ZNF540: variants seen among roughly 807,000 people sequenced by gnomAD.
ZNF540 encodes CTD-3064H18.6.
ZNF540 carries 3 observed loss-of-function variants against 11.8 expected under a neutral mutation model. The ratio of observed to expected loss-of-function variants is 0.25; its 90% CI spans 0.12 to 0.65. The LOEUF (loss-of-function observed/expected upper bound fraction) is 0.65, where lower values mean the gene tolerates loss of function less well. Among genes scored for constraint, ZNF540 ranks in the 30% least tolerant of loss-of-function variants. The probability of loss-of-function intolerance (pLI) is 0.83; values close to 1 mark genes in which losing one functional copy is unlikely to be tolerated. For missense variants in ZNF540, 709 were observed against 793.1 expected, an observed-to-expected ratio of 0.89 and a Z score of 1.27; for synonymous variants, 247 against 259.0, an observed-to-expected ratio of 0.95 and a Z score of 0.45.
upstream of ZNF540, among the ~76,000 whole-genome samples, chr19:37,593,115 CTTA>C (rs1328093311): frequency 2.0e-5 from 3 of 151,272 alleles, no homozygotes; most frequent in Admixed American, 6.6e-5. Flanking sequence ...TTGTTTTAAA[CTTA>C]TTGTTAGTTT....
In ZNF540 at chr19:37,569,287, A is replaced by G. The variant is rs1600471790; in HGVS notation, c.-73+17622A>G. Among the ~76,000 whole-genome samples, 1 of 152,148 alleles carries G rather than the reference A, an allele frequency of 6.6e-6. No individual in the cohort carries two copies. Among genetic ancestry groups the G allele is most frequent in the South Asian group, 2.1e-4 (1 of 4,832 alleles). ...CCGGAACCACAACAAAAACCTACTC[A>G]GTAATGTTATGAGACCCTTTGTTCT... On this transcript the variant is annotated intron_variant, in intron 1 of 4. Coordinates refer to the ZNF540 transcript ENST00000592533. This position sits in a 1 kb window ranked among gnomAD's most constrained non-coding sequence, Gnocchi z 4.4.
In ZNF540 at chr19:37,563,062, C is replaced by G. The variant is rs146400088; in HGVS notation, c.-73+11397C>G. ...AAAATAATGGGGCCAGATGTGGTGG[C>G]TCACATTTGTAATCCCAGCACTTCT... On this transcript the variant is annotated intron_variant, in intron 1 of 4. Coordinates refer to the ZNF540 transcript ENST00000592533. 163 of 152,192 alleles carry G rather than the reference C, an allele frequency of 1.1e-3. 3 individuals are homozygous for G. Among genetic ancestry groups the G allele is most frequent in the African/African-American group, 3.8e-3 (157 of 41,524 alleles). The allele number at this position is 152,192 out of a possible 1,614,324, so 9.4% of individuals were successfully genotyped here.
intron 1 of ZNF540, chr19:37,565,026 T>C: frequency 6.2e-7 from 1 of 1,613,698 alleles, no homozygotes; most frequent in Non-Finnish European, 8.5e-7. Flanking sequence ...TCACCATGAA[T>C]TTTCTCATGT....
At chr19:37,587,125 C>T (rs964762102) in intron 1 of ZNF540, 1 of 160,396 alleles carries the variant, frequency 6.2e-6, no homozygotes, top group African/African-American at 2.4e-5. Flanking sequence ...GCTAGACTCA[C>T]AGACATTTTG....
intron 1 of ZNF540, chr19:37,556,089 C>G (rs1474759254): frequency 1.4e-6 from 1 of 702,720 alleles, no homozygotes; most frequent in Admixed American, 2.0e-5. Flanking sequence ...GTGTCCAAAT[C>G]CTGCTGCAAG....
Position 37,612,643 on chromosome 19 carries a change from A to G in ZNF540, c.1363A>G (p.Thr455Ala). 1 of 1,614,124 alleles carries G rather than the reference A, an allele frequency of 6.2e-7. No individual in the cohort carries two copies. The highest frequency in any genetic ancestry group is 8.5e-7 in the Non-Finnish European group (1 of 1,179,992). ...GKAFMLRSVL[T>A]EHQRLHTGVK... The stretch of plus-strand genomic sequence containing the variant: ...AGCCTTTATGCTTCGTTCAGTCCTT[A>G]CTGAACATCAGAGACTTCATACTGG... Residue 455 changes from threonine (T) to alanine (A), a missense_variant, in exon 5 of 5, where the codon ACT becomes GCT. By Grantham distance (58) the Thr-to-Ala change is moderately conservative. Coordinates refer to ENST00000316433, the MANE Select transcript of ZNF540 (RefSeq NM_001172225.3).
At chr19:37,576,879 A>C (rs537555144) in intron 1 of ZNF540, among the ~76,000 whole-genome samples, 1 of 152,278 alleles carries the variant, frequency 6.6e-6, no homozygotes, top group African/African-American at 2.4e-5. Context: ...CAACAGCTTA[A>C]AACACAAAGG....
intron 1 of ZNF540, chr19:37,560,299 TAAATAA>T (rs2042703262): frequency 6.6e-6 from 1 of 151,656 alleles, no homozygotes; most frequent in African/African-American, 2.4e-5. Flanking sequence ...AATAAAAATA[TAAATAA>T]AAATAAATTT....
chr19:37,564,760 T>C (rs779158029), intron 1 of ZNF540: 6 of 1,613,574 alleles, frequency 3.7e-6, no homozygotes, highest in Non-Finnish European at 5.1e-6. Flanking sequence ...ATTCATAGGG[T>C]TTCTCTCCAG....
intron 2 of ZNF540, 114 bp from the exon 3 acceptor site, chr19:37,599,512 G>A: frequency 2.4e-6 from 3 of 1,252,486 alleles, no homozygotes; most frequent in Non-Finnish European, 3.3e-6. Context: ...TTCAGCCCCA[G>A]CCTAGAGTTT....
intron 1 of ZNF540, chr19:37,555,020 C>G (rs535641089): frequency 6.8e-4 from 104 of 152,260 alleles, no homozygotes; most frequent in African/African-American, 2.4e-3. Context: ...AGGTGATAGA[C>G]CGGGGGCTTT....
chr19:37,564,088 C>CTA (rs1185211777), intron 1 of ZNF540: 7 of 152,150 alleles, frequency 4.6e-5, no homozygotes, highest in African/African-American at 1.7e-4. Context: ...CTTTACTATA[C>CTA]TTTAAAGGTT....
At chr19:37,581,688 C>T (rs1256365676) in intron 1 of ZNF540, among the ~76,000 whole-genome samples, 5 of 151,842 alleles carry the variant, frequency 3.3e-5, no homozygotes, top group African/African-American at 1.2e-4. Flanking sequence ...GTCCTGAATT[C>T]CTGGGCTCAA....
chr19:37,554,744 C>T (rs1255509339), intron 1 of ZNF540: 1 of 152,010 alleles, frequency 6.6e-6, no homozygotes, highest in Non-Finnish European at 1.5e-5. Flanking sequence ...GTGTTTTTCC[C>T]TTGTTGTACC....
intron 1 of ZNF540, chr19:37,566,041 A>G (rs1240354524): frequency 6.2e-7 from 1 of 1,613,994 alleles, no homozygotes; most frequent in Non-Finnish European, 8.5e-7. Flanking sequence ...GAATTATCCG[A>G]TGAAAAGTAG....
chr19:37,585,324 T>C (rs1174223786), intron 1 of ZNF540: 1 of 152,226 alleles, frequency 6.6e-6, no homozygotes. Context: ...ATAATTACTT[T>C]GCTTGACTTT....
chr19:37,559,995 A>T lies in ZNF540; in HGVS notation c.-73+8330A>T, dbSNP rs1439817246. On this transcript the variant is annotated intron_variant, in intron 1 of 4. Coordinates refer to the ZNF540 transcript ENST00000592533. ...GAAGGTGGTTTTTAAAAATTTTTTT[A>T]GCTGGGCGTGGTGGCTCACACCTGT... Among the ~76,000 whole-genome samples the T allele has an allele frequency of 2.0e-5, 3 of 152,288 alleles. No homozygotes were observed. The East Asian group carries it at 5.8e-4, about 29-fold the overall frequency.
chr19:37,609,550 GC>G (rs1452054596), intron 4 of ZNF540, among the ~76,000 whole-genome samples: 3 of 147,916 alleles, frequency 2.0e-5, no homozygotes, highest in African/African-American at 7.5e-5. Context: ...GTCTTGGGGG[GC>G]AAAAAAAGTA....
Position 37,612,517 on chromosome 19 carries a change from T to C in ZNF540, c.1237T>C (p.Cys413Arg). 6.2e-7 allele frequency: 1 copy of C among 1,614,158 alleles called. No individual in the cohort carries two copies. Among genetic ancestry groups the C allele is most frequent in the Non-Finnish European group, 8.5e-7 (1 of 1,180,008 alleles). Residue 413 changes from cysteine (C) to arginine (R), a missense_variant, in exon 5 of 5, where the codon TGT becomes CGT. Transcript: ENST00000316433. ...TIHTGIKPFA[C>R]KVCEKAFSYS... ...CCATACTGGTATAAAACCTTTTGCATGTAAGGTGTGTGAGAAGGCTTTTAG... is the reference window on the plus strand; with the variant it reads ...CCATACTGGTATAAAACCTTTTGCACGTAAGGTGTGTGAGAAGGCTTTTAG...
Sources: gnomAD v4.1 joint callset for allele counts (sites outside exome capture counted in the v4.1 genomes callset) on GRCh38, gnomAD v4.1.1 for gene constraint, Gnocchi (gnomAD v3.1) non-coding constraint, MANE v1.5 for transcripts, NCBI Gene and HGNC (gene_info 2026-07-23, HGNC 2026-07-21) for gene names.